Variants in SPDYE18 observed in about 807,000 individuals in gnomAD.
The protein encoded by SPDYE18 is speedy protein E18.
SPDYE18 carries 6 observed loss-of-function variants against 44.9 expected under a neutral mutation model. That is an observed-to-expected ratio of 0.13 (90% CI 0.07 to 0.26). SPDYE18 has a LOEUF of 0.26. SPDYE18 is among the 10% of genes least tolerant of loss of function. SPDYE18 has a pLI of 1.00. For missense variants in SPDYE18, 121 were observed against 463.2 expected, an observed-to-expected ratio of 0.26 and a Z score of 6.78; for synonymous variants, 35 against 177.1, an observed-to-expected ratio of 0.20 and a Z score of 6.37.
rs1340310072 is a variant in SPDYE18 at position 77,050,916 on chromosome 7, T to C, written c.*1009A>G. Among the ~76,000 whole-genome samples the C allele has an allele frequency of 2.0e-5, 3 of 148,888 alleles. No individual in the cohort carries two copies. Among genetic ancestry groups the C allele is most frequent in the Non-Finnish European group, 4.5e-5 (3 of 67,290 alleles). ...TAATATTTAAATAAATAAATATATT[T>C]AATAAATATTTCAATAAATAAAATA... is the stretch of plus-strand genomic sequence containing the variant. On this transcript the variant is annotated 3_prime_UTR_variant, in exon 9 of 9. Transcript: ENST00000510091.
At chr7:77,061,798 AAG>A (rs1790024761) in intron 1 of SPDYE18, among the ~76,000 whole-genome samples, 1 of 138,116 alleles carries the variant, frequency 7.2e-6, no homozygotes, top group African/African-American at 3.0e-5. Context: ...TAAAAAATAA[AAG>A]AGTTACATGA....
intron 6 of SPDYE18, among the ~76,000 whole-genome samples, chr7:77,054,532 G>A (rs1276966718): frequency 2.0e-5 from 3 of 150,578 alleles, no homozygotes; most frequent in East Asian, 3.9e-4. Flanking sequence ...CAGTGGATTC[G>A]AGTGATGCGA....
Position 77,060,409 on chromosome 7 carries a change from C to G in SPDYE18, c.104G>C (p.Ser35Thr), listed in dbSNP as rs1448721274. Reference sequence around the variant, plus strand: ...CTCCTGGAGGGGGTACCCCGAGGTGCTCCGCTGGAGACTCTGCTCATTCTG... The same window carrying G: ...CTCCTGGAGGGGGTACCCCGAGGTGGTCCGCTGGAGACTCTGCTCATTCTG... ...HPQNEQSLQR[S>T]TSGYPLQEVV... Residue 35 changes from serine (S) to threonine (T), a missense_variant, in exon 2 of 9, where the codon AGC becomes ACC. Physicochemically the swap from Ser to Thr is moderately conservative, Grantham distance 58. Transcript: ENST00000510091. The G allele has an allele frequency of 5.9e-6, 9 of 1,535,588 alleles. No individual in the cohort carries two copies. The highest frequency in any genetic ancestry group is 7.0e-6 in the Non-Finnish European group (8 of 1,146,920).
Position 77,060,733 on chromosome 7 carries a change from A to T in SPDYE18, c.-221T>A, listed in dbSNP as rs1790008614. ...TTGAAAAAAAACACATGTAACTGCC[A>T]GGCTGATCTCTTGTCCTGGAGATCC... is the stretch of plus-strand genomic sequence containing the variant. On this transcript the variant is annotated 5_prime_UTR_variant, in exon 2 of 9. Transcript: ENST00000510091. 6.6e-6 allele frequency among the ~76,000 whole-genome samples: 1 copy of T among 151,226 alleles called. No homozygotes were observed. The highest frequency in any genetic ancestry group is 2.0e-4 in the East Asian group (1 of 5,056).
intron 3 of SPDYE18, 107 bp downstream of exon 3, chr7:77,059,073 C>G: frequency 6.5e-7 from 1 of 1,538,434 alleles, no homozygotes; most frequent in South Asian, 1.2e-5. Flanking sequence ...GCGTGGAGAG[C>G]TCACCCACTG....
chr7:77,052,525 T>C lies in SPDYE18; in HGVS notation c.*45+208A>G, dbSNP rs1286709582. On this transcript the variant is annotated intron_variant, in intron 8 of 8. Transcript: ENST00000510091. ...TCAGGGCTCCGTGCAGCCCTGACCT[T>C]CCAGGCTCCAGCGATCCTCCCGCCT... Among the ~76,000 whole-genome samples, 78 of 152,238 alleles carry C rather than the reference T, an allele frequency of 5.1e-4. No individual in the cohort carries two copies. In the South Asian group the frequency reaches 0.012, roughly 23 times the overall value.
Position 77,050,712 on chromosome 7 carries a change from T to C in SPDYE18, c.*1213A>G, listed in dbSNP as rs535697165. On this transcript the variant is annotated 3_prime_UTR_variant, in exon 9 of 9. Coordinates refer to ENST00000510091, the MANE Select transcript of SPDYE18 (RefSeq NM_001394953.1). ...CTTCAGCAGCACGTGTAATAATAGA[T>C]ACAAAGATTGAAAGGTAAAAGATTT... 6.6e-6 allele frequency among the ~76,000 whole-genome samples: 1 copy of C among 151,076 alleles called. No individual in the cohort carries two copies. Among genetic ancestry groups the C allele is most frequent in the African/African-American group, 2.4e-5 (1 of 41,426 alleles).
chr7:77,052,874 C>G, intron 7 of SPDYE18, 37 bp from the exon 8 acceptor site: 1 of 1,608,178 alleles, frequency 6.2e-7, no homozygotes, highest in East Asian at 2.2e-5. Flanking sequence ...GACGGGGACT[C>G]GCCAGGATAC....
intron 2 of SPDYE18, among the ~76,000 whole-genome samples, chr7:77,059,936 C>A (rs945046480): frequency 6.7e-6 from 1 of 150,070 alleles, no homozygotes; most frequent in African/African-American, 2.5e-5. Flanking sequence ...AGGTGTGAGC[C>A]ACTGCACCCA....
chr7:77,060,070 A>C, intron 2 of SPDYE18, among the ~76,000 whole-genome samples: 1 of 134,832 alleles, frequency 7.4e-6, no homozygotes, highest in Non-Finnish European at 1.5e-5. Context: ...ATCTCAGCTC[A>C]CTGCAACCTC....
intron 1 of SPDYE18, among the ~76,000 whole-genome samples, 80 bp from the exon 2 acceptor site, chr7:77,061,013 TGTACAAGAGTGAGATTATCAC>T (rs1562795126): frequency 8.6e-4 from 94 of 109,282 alleles, no homozygotes; most frequent in Middle Eastern, 9.8e-3. Context: ...GAGATTATCA[TGTACAAGAGTGAGATTATCAC>T]GTACAAGAGT....
chr7:77,060,518 T>C lies in SPDYE18; in HGVS notation c.-6A>G, dbSNP rs1445215417. The stretch of plus-strand genomic sequence containing the variant: ...CTAGTCTTCGTTCTGTCCATGGCCT[T>C]CTTCTGGACACTGCTAGGATCCAGA... On this transcript the variant is annotated 5_prime_UTR_variant, in exon 2 of 9. Transcript: ENST00000510091. The C allele has an allele frequency of 8.5e-6, 13 of 1,534,992 alleles. No homozygotes were observed. Among genetic ancestry groups the C allele is most frequent in the South Asian group, 2.4e-5 (2 of 83,958 alleles).
chr7:77,059,806 T>C (rs1789991061), intron 2 of SPDYE18, among the ~76,000 whole-genome samples: 1 of 147,270 alleles, frequency 6.8e-6, no homozygotes, highest in Non-Finnish European at 1.5e-5. Context: ...CCTGCCATAA[T>C]GCCCAGCTCA....
chr7:77,054,270 AAAGTC>A (rs1789875942), intron 6 of SPDYE18, among the ~76,000 whole-genome samples: 1 of 149,546 alleles, frequency 6.7e-6, no homozygotes, highest in Non-Finnish European at 1.5e-5. Context: ...ACACAAACAC[AAAGTC>A]GAGTGGAGGG....
At chr7:77,056,426 A>G (rs1789921994) in intron 5 of SPDYE18, 124 bp downstream of exon 5, 1 of 580,520 alleles carries the variant, frequency 1.7e-6, no homozygotes, top group Non-Finnish European at 2.6e-6. Flanking sequence ...AAAAAAAAAA[A>G]AAAAAAAAAG....
chr7:77,060,053 T>C (rs1478364489), intron 2 of SPDYE18, among the ~76,000 whole-genome samples: 1 of 141,828 alleles, frequency 7.1e-6, no homozygotes, highest in Admixed American at 7.1e-5. Context: ...TGGAGTGCAG[T>C]AGCGTGATCT....
chr7:77,051,305 C>G lies in SPDYE18; in HGVS notation c.*620G>C, dbSNP rs1292416568. Among the ~76,000 whole-genome samples, 1 of 152,240 alleles carries G rather than the reference C, an allele frequency of 6.6e-6. No homozygotes were observed. Among genetic ancestry groups the G allele is most frequent in the Non-Finnish European group, 1.5e-5 (1 of 68,046 alleles). On this transcript the variant is annotated 3_prime_UTR_variant, in exon 9 of 9. Transcript: ENST00000510091. Reference sequence around the variant, plus strand: ...GAAAATTATCTTTATGTATATATAACAACTATAACTCTCATCAAAAAACTA... The same window carrying G: ...GAAAATTATCTTTATGTATATATAAGAACTATAACTCTCATCAAAAAACTA...
At chr7:77,052,582 G>C (rs546493168) in intron 8 of SPDYE18, among the ~76,000 whole-genome samples, 151 bp downstream of exon 8, 689 of 150,744 alleles carry the variant, frequency 4.6e-3, no homozygotes, top group East Asian at 0.021. Context: ...GTAGAGATGC[G>C]TCCCACATCG....
intron 6 of SPDYE18, among the ~76,000 whole-genome samples, chr7:77,054,045 C>A (rs777900674): frequency 6.2e-4 from 95 of 152,062 alleles, no homozygotes; most frequent in Non-Finnish European, 1.2e-3. Flanking sequence ...GATATTTTGC[C>A]AGGACCCTGC....
Sources: gnomAD v4.1 joint callset for allele counts (sites outside exome capture counted in the v4.1 genomes callset) on GRCh38, gnomAD v4.1.1 for gene constraint, MANE v1.5 for transcripts, NCBI Gene and HGNC (gene_info 2026-07-23, HGNC 2026-07-21) for gene names.